Variants in SCN8A observed in about 807,000 individuals in gnomAD.
SCN8A encodes sodium voltage-gated channel alpha subunit 8, also known as sodium channel protein type 8 subunit alpha.
In SCN8A, 30 loss-of-function variants were observed where a neutral mutation model predicts 184.1. The observed-to-expected ratio is 0.16, with a 90% CI of 0.12 to 0.22. The LOEUF (loss-of-function observed/expected upper bound fraction) is 0.22, where lower values mean the gene tolerates loss of function less well. Among genes scored for constraint, SCN8A ranks in the 10% least tolerant of loss-of-function variants. The pLI is 1.00. For synonymous variants in SCN8A, 852 were observed against 907.0 expected (o/e 0.94, Z 1.09); for missense variants, 1,057 against 2,498.9 (o/e 0.42, Z 12.30).
rs557520075 is a variant in SCN8A, at chr12:51,741,865, C to T, written c.1999-4038C>T. Among the ~76,000 whole-genome samples the T allele has an allele frequency of 2.2e-4, 34 of 152,082 alleles. No homozygotes were observed. The East Asian group carries it at 2.7e-3, about 12-fold the overall frequency. On this transcript the variant is annotated intron_variant, in intron 12 of 26. Transcript: ENST00000627620. ...GATTACAAGCATGTGCCACCACGCC[C>T]GGCTAATTTTGTATTTTTAGTAGAG...
chr12:51,780,856 C>G (rs1347099435), intron 21 of SCN8A, 85 bp downstream of exon 21: 2 of 1,350,234 alleles, frequency 1.5e-6, no homozygotes, highest in Non-Finnish European at 1.9e-6. Context: ...GTGGAAAGAT[C>G]ATTCAAACAC....
chr12:51,800,073 G>T (rs1168067016), intron 26 of SCN8A, among the ~76,000 whole-genome samples: 2 of 152,172 alleles, frequency 1.3e-5, no homozygotes, highest in African/African-American at 2.4e-5. Context: ...AGATCTCTGC[G>T]AGCAAGATTA....
At chr12:51,698,339 C>G (rs1406629931) in intron 6 of SCN8A, among the ~76,000 whole-genome samples, 3 of 152,142 alleles carry the variant, frequency 2.0e-5, no homozygotes, top group Non-Finnish European at 4.4e-5. Flanking sequence ...CCAGGCACAC[C>G]CTTCAAAGCC....
At chr12:51,609,948 T>C (rs933638477) in intron 1 of SCN8A, among the ~76,000 whole-genome samples, 6 of 151,600 alleles carry the variant, frequency 4.0e-5, no homozygotes, top group Non-Finnish European at 8.8e-5. Context: ...GTTGTGCACA[T>C]GTACCCTAAA....
intron 13 of SCN8A, among the ~76,000 whole-genome samples, chr12:51,749,463 G>A (rs924310111): frequency 2.6e-5 from 4 of 152,120 alleles, no homozygotes; most frequent in African/African-American, 9.7e-5. Flanking sequence ...AAAAGGGAAC[G>A]GAACTAAATT....
Position 51,774,176 on chromosome 12 carries a change from G to A in SCN8A, c.3646-13G>A. 1 of 1,612,794 alleles carries A rather than the reference G, an allele frequency of 6.2e-7. No homozygotes were observed. The highest frequency in any genetic ancestry group is 8.5e-7 in the Non-Finnish European group (1 of 1,179,168). On this transcript the variant is annotated splice_polypyrimidine_tract_variant and intron_variant, in intron 19 of 26. Coordinates refer to ENST00000627620, the MANE Select transcript of SCN8A (RefSeq NM_001330260.2). ...TTAGGCACTGTCATAGGCAGCTGCT[G>A]CCTCTCTTTTAGGCCTTCGAGGACA...
intron 1 of SCN8A, among the ~76,000 whole-genome samples, chr12:51,619,758 CTAAA>C (rs1240956844): frequency 6.6e-6 from 1 of 152,112 alleles, no homozygotes; most frequent in Non-Finnish European, 1.5e-5. Context: ...CATAAAATGA[CTAAA>C]TAGTAAACAA....
intron 20 of SCN8A, chr12:51,780,339 T>C (rs1937858644): frequency 8.2e-6 from 3 of 367,412 alleles, no homozygotes; most frequent in South Asian, 4.2e-5. Context: ...CTCCCTCTCC[T>C]GTCAGCCTCT....
intron 1 of SCN8A, among the ~76,000 whole-genome samples, chr12:51,617,317 CTT>C (rs1346851180): frequency 1.3e-5 from 2 of 151,974 alleles, no homozygotes; most frequent in African/African-American, 4.8e-5. Flanking sequence ...TTCTCTCTCT[CTT>C]GTTCAGCTTG....
chr12:51,738,129 C>T (rs867110290), intron 12 of SCN8A, among the ~76,000 whole-genome samples: 4 of 152,276 alleles, frequency 2.6e-5, no homozygotes, highest in Non-Finnish European at 5.9e-5. Context: ...CCACTTTAAG[C>T]GGTTCTTTCA....
rs1261198394 is a variant in SCN8A, at chr12:51,809,907, C to CT, written c.*2482dup. The stretch of plus-strand genomic sequence containing the variant: ...CAAAAAATTTTTTATTGCTAATGGT[C>CT]TTTTCCAAAACAACAAAAAATATAT... On this transcript the variant is annotated 3_prime_UTR_variant, in exon 27 of 27. Transcript: ENST00000627620. The CT allele has an allele frequency of 6.6e-6, 1 of 152,192 alleles. No individual in the cohort carries two copies. Among genetic ancestry groups the CT allele is most frequent in the Non-Finnish European group, 1.5e-5 (1 of 68,030 alleles). The allele number at this position is 152,192 out of a possible 1,614,324, so 9.4% of individuals were successfully genotyped here.
At chr12:51,789,460 C>G (rs755575279) in intron 24 of SCN8A, 42 bp downstream of exon 24, 2 of 1,603,224 alleles carry the variant, frequency 1.2e-6, no homozygotes, top group Non-Finnish European at 1.7e-6. Flanking sequence ...GAAGTCAGCC[C>G]AGATAAGAGG....
chr12:51,721,245 A>G (rs1942055040), intron 11 of SCN8A, among the ~76,000 whole-genome samples: 1 of 151,462 alleles, frequency 6.6e-6, no homozygotes, highest in Non-Finnish European at 1.5e-5. Flanking sequence ...AAAGAAATAC[A>G]CAGCCATGTG....
intron 11 of SCN8A, among the ~76,000 whole-genome samples, chr12:51,719,514 AT>A (rs1285450884): frequency 1.6e-5 from 1 of 60,902 alleles, no homozygotes; most frequent in Non-Finnish European, 3.3e-5. Context: ...GAGGAGCCCC[AT>A]GGCCCTTCCA....
intron 12 of SCN8A, among the ~76,000 whole-genome samples, chr12:51,724,521 A>C (rs766267543): frequency 4.6e-5 from 7 of 152,228 alleles, no homozygotes; most frequent in Non-Finnish European, 1.0e-4. Flanking sequence ...AATGTTATAG[A>C]TACTTATCTT....
At chr12:51,661,307 T>G (rs1345752263) in intron 1 of SCN8A, among the ~76,000 whole-genome samples, 2 of 152,210 alleles carry the variant, frequency 1.3e-5, no homozygotes, top group African/African-American at 4.8e-5. Flanking sequence ...GTGGTGGTTT[T>G]TGCGCAGCGT....
Position 51,811,820 on chromosome 12 carries a change from G to C in SCN8A, c.*4391G>C, listed in dbSNP as rs1692019561. On this transcript the variant is annotated 3_prime_UTR_variant, in exon 27 of 27. Transcript: ENST00000627620. ...CCTCCCCTCGGCCCCCAGCCTCCAG[G>C]CCTGCTGTGGAGGTGAGATCGCCAT... 1 of 152,450 alleles carries C rather than the reference G, an allele frequency of 6.6e-6. No individual in the cohort carries two copies. The highest frequency in any genetic ancestry group is 2.1e-4 in the South Asian group (1 of 4,832). 9.4% of individuals were successfully genotyped at this position (152,450 alleles called of 1,614,324 possible).
At chr12:51,622,144 A>AT (rs1032519094) in intron 1 of SCN8A, among the ~76,000 whole-genome samples, 2 of 152,192 alleles carry the variant, frequency 1.3e-5, no homozygotes, top group African/African-American at 4.8e-5. Flanking sequence ...CCAGCATTAG[A>AT]TTTTTTAAAA....
chr12:51,656,959 G>T (rs1478133255), intron 1 of SCN8A, among the ~76,000 whole-genome samples: 1 of 152,114 alleles, frequency 6.6e-6, no homozygotes, highest in Non-Finnish European at 1.5e-5. Flanking sequence ...AAACAGTTTG[G>T]CAGTTCCTCA....
Sources: gnomAD v4.1 joint callset for allele counts (sites outside exome capture counted in the v4.1 genomes callset) on GRCh38, gnomAD v4.1.1 for gene constraint, MANE v1.5 for transcripts, NCBI Gene and HGNC (gene_info 2026-07-23, HGNC 2026-07-21) for gene names.